Variants in MCM9 observed in about 807,000 individuals in gnomAD.
MCM9 encodes the protein minichromosome maintenance 9 homologous recombination repair factor.
In MCM9, 55 loss-of-function variants were observed where a neutral mutation model predicts 72.8. The observed-to-expected ratio is 0.76, with a 90% confidence interval of 0.61 to 0.95. MCM9 has a LOEUF of 0.95. MCM9 is among the 40% of genes least tolerant of loss of function. The probability of loss-of-function intolerance (pLI) is 0.00; values close to 1 mark genes in which losing one functional copy is unlikely to be tolerated. For synonymous variants in MCM9, 480 were observed against 503.4 expected (o/e 0.95, Z 0.62); for missense variants, 1,279 against 1,377.0 (o/e 0.93, Z 1.13).
intron 13 of MCM9, among the ~76,000 whole-genome samples, chr6:118,821,938 T>C (rs1023904535): frequency 2.0e-5 from 3 of 152,240 alleles, no homozygotes; most frequent in Admixed American, 2.0e-4. Context: ...TTGTGTATGC[T>C]TCATGAAGTT....
In MCM9 at chr6:118,816,259, C is replaced by T. The variant is rs759280235; in HGVS notation, c.1997G>A (p.Arg666Gln). The T allele has an allele frequency of 4.7e-5, 73 of 1,548,292 alleles. 1 individual carries two copies. The highest frequency in any genetic ancestry group is 5.2e-5 in the Non-Finnish European group (60 of 1,145,742). ...TGGAGTAGTCTCTACCTCCAATACC[C>T]GTGGTTGGGATTGGTGCACACTCTG... is the stretch of plus-strand genomic sequence containing the variant. ...QNQSVHQSQP[R>Q]VLEVETTPGS... is the part of the protein sequence containing the mutation. The change falls in exon 14 of 14, where the codon CGG becomes CAG. Residue 666 changes from arginine (R) to glutamine (Q), a missense_variant. Arg to Gln is a conservative substitution (Grantham distance 43, BLOSUM62 1). Transcript: ENST00000619706.
In MCM9 at chr6:118,815,326, G is replaced by A; in HGVS notation, c.2930C>T (p.Thr977Ile). ...CTGACTGGAGATCTGGTTTCCTGGG[G>A]TAGATGTTAACTTTCCTGGACGCTT... is the stretch of plus-strand genomic sequence containing the variant. Reference protein sequence around the residue: ...PVKRPGKLTSTPGNQISSQPQ... With the variant: ...PVKRPGKLTSIPGNQISSQPQ... Residue 977 changes from threonine (T) to isoleucine (I), a missense_variant, in exon 14 of 14, where the codon ACC becomes ATC. Transcript: ENST00000619706. The A allele has an allele frequency of 1.3e-6, 2 of 1,550,584 alleles. No homozygotes were observed. The highest frequency in any genetic ancestry group is 2.4e-5 in the East Asian group (1 of 40,898).
At chr6:118,893,439 T>C (rs1047801489) in intron 8 of MCM9, among the ~76,000 whole-genome samples, 1 of 152,170 alleles carries the variant, frequency 6.6e-6, no homozygotes, top group African/African-American at 2.4e-5. Flanking sequence ...ATCACACCTC[T>C]TGTGATTTTT....
At chr6:118,854,293 C>G (rs1452569219) in intron 9 of MCM9, among the ~76,000 whole-genome samples, 2 of 152,114 alleles carry the variant, frequency 1.3e-5, no homozygotes, top group Non-Finnish European at 1.5e-5. Context: ...TTAATTTGCT[C>G]CTAATCTTAA....
At chr6:118,826,123 C>G in intron 13 of MCM9, 24 bp downstream of exon 13, 1 of 1,538,150 alleles carries the variant, frequency 6.5e-7, no homozygotes, top group Non-Finnish European at 8.8e-7. Flanking sequence ...CCATTGTATG[C>G]CTTTCTGGGT....
chr6:118,933,480 C>T (rs181143624), intron 1 of MCM9, among the ~76,000 whole-genome samples: 28 of 149,332 alleles, frequency 1.9e-4, no homozygotes, highest in Non-Finnish European at 1.2e-4. Context: ...CACTCCAGCC[C>T]GGGCACAGAG....
At position 118,856,550 on chromosome 6, in the gene MCM9, G is replaced by A. The variant is rs1307527339; in HGVS notation, c.1151-5C>T. On this transcript the variant is annotated splice_region_variant and splice_polypyrimidine_tract_variant and intron_variant, in intron 8 of 13. Transcript: ENST00000619706. ...TTACAGCAGTTACCGTCAGACCTGA[G>A]GAAACAAGCAAGCCATATCAACTTT... The A allele has an allele frequency of 2.6e-6, 4 of 1,535,268 alleles. No homozygotes were observed. Among genetic ancestry groups the A allele is most frequent in the South Asian group, 2.4e-5 (2 of 84,004 alleles).
chr6:118,872,855 C>T (rs1401713354), intron 8 of MCM9, among the ~76,000 whole-genome samples: 1 of 151,730 alleles, frequency 6.6e-6, no homozygotes, highest in Non-Finnish European at 1.5e-5. Context: ...AAAATTTAAT[C>T]AGAAGAGAAA....
chr6:118,889,958 CGCT>C (rs1778841530), intron 8 of MCM9, among the ~76,000 whole-genome samples: 1 of 152,068 alleles, frequency 6.6e-6, no homozygotes, highest in African/African-American at 2.4e-5. Flanking sequence ...GGAGAGGGTA[CGCT>C]ATGTAACAGA....
intron 8 of MCM9, among the ~76,000 whole-genome samples, chr6:118,859,528 C>T (rs1245084761): frequency 6.6e-6 from 1 of 152,134 alleles, no homozygotes; most frequent in Non-Finnish European, 1.5e-5. Context: ...CTTAGCTGAG[C>T]AGAAATTCAT....
At position 118,924,242 on chromosome 6, in the gene MCM9, G is replaced by A. The variant is rs1461560053; in HGVS notation, c.305-115C>T. On this transcript the variant is annotated intron_variant, in intron 3 of 13. Transcript: ENST00000619706. ...ATTTTAATTTCAGGGGGAAAAAAAAGATTGTGTTTTACTAAGAAAAAATCA... is the reference window on the plus strand; with the variant it reads ...ATTTTAATTTCAGGGGGAAAAAAAAAATTGTGTTTTACTAAGAAAAAATCA... The A allele has an allele frequency of 8.3e-6, 8 of 962,474 alleles. No individual in the cohort carries two copies. In the East Asian group the frequency reaches 1.5e-4, roughly 17 times the overall value. The allele number at this position is 962,474 out of a possible 1,614,324, so 59.6% of individuals were successfully genotyped here. A position where few individuals can be genotyped will look rare whatever the true frequency, so the allele number is the denominator to read the frequency against.
At chr6:118,874,914 G>A (rs1777841037) in intron 8 of MCM9, among the ~76,000 whole-genome samples, 1 of 152,210 alleles carries the variant, frequency 6.6e-6, no homozygotes, top group African/African-American at 2.4e-5. Context: ...AGGAGTTCGA[G>A]ACCAGCCTGG....
intron 8 of MCM9, among the ~76,000 whole-genome samples, chr6:118,896,080 CACAT>C (rs1278987532): frequency 1.3e-5 from 2 of 149,204 alleles, no homozygotes; most frequent in Non-Finnish European, 3.0e-5. Context: ...AGCATAAATG[CACAT>C]ACATATATAG....
intron 8 of MCM9, chr6:118,908,449 A>C (rs1187123469): frequency 6.6e-6 from 1 of 152,160 alleles, no homozygotes; most frequent in Admixed American, 6.5e-5. Context: ...ACCTTTAAAA[A>C]TTCTTTTAAT....
At chr6:118,879,855 C>G (rs571989295) in intron 8 of MCM9, among the ~76,000 whole-genome samples, 1 of 151,932 alleles carries the variant, frequency 6.6e-6, no homozygotes, top group African/African-American at 2.4e-5. Context: ...ACCAGCCTGG[C>G]CAACATGGTG....
intron 8 of MCM9, among the ~76,000 whole-genome samples, chr6:118,872,562 T>C (rs1411343892): frequency 6.6e-6 from 1 of 151,920 alleles, no homozygotes; most frequent in Non-Finnish European, 1.5e-5. Flanking sequence ...TAGTGCACAA[T>C]GATTGTGCCT....
At chr6:118,823,339 G>A (rs1232052293) in intron 13 of MCM9, among the ~76,000 whole-genome samples, 1 of 152,146 alleles carries the variant, frequency 6.6e-6, no homozygotes, top group Admixed American at 6.6e-5. Context: ...TCCTTGGCTG[G>A]GGGAGGGAAG....
intron 8 of MCM9, among the ~76,000 whole-genome samples, chr6:118,863,827 TC>T (rs1287104808): frequency 6.6e-6 from 1 of 152,144 alleles, no homozygotes; most frequent in Non-Finnish European, 1.5e-5. Context: ...ACATTGTACT[TC>T]CTAGCATCCA....
chr6:118,858,601 T>C (rs1583453690), intron 8 of MCM9, among the ~76,000 whole-genome samples: 1 of 152,256 alleles, frequency 6.6e-6, no homozygotes, highest in East Asian at 1.9e-4. Context: ...TATGATTAGA[T>C]AGAAAATCCC....
Sources: allele counts gnomAD v4.1 joint callset (sites outside exome capture counted in the v4.1 genomes callset), GRCh38; gene constraint gnomAD v4.1.1; transcripts MANE v1.5; gene names NCBI Gene and HGNC (gene_info 2026-07-23, HGNC 2026-07-21).